Variants in LMTK2 observed in about 807,000 individuals in gnomAD.
LMTK2 encodes lemur tail kinase 2.
LMTK2 carries 37 observed loss-of-function variants against 127.5 expected under a neutral mutation model. The ratio of observed to expected loss-of-function variants is 0.29; its 90% confidence interval spans 0.22 to 0.38. The LOEUF is 0.38. Ranked by LOEUF, LMTK2 falls within the 10% of genes least tolerant of loss-of-function variation. The pLI is 1.00. For synonymous variants in LMTK2, 819 were observed against 810.1 expected (o/e 1.01, Z -0.19); for missense variants, 1,694 against 1,920.3 (o/e 0.88, Z 2.20).
chr7:98,171,808 T>C lies in LMTK2; in HGVS notation c.791+134T>C, dbSNP rs1242663391. The C allele has an allele frequency of 1.0e-6, 1 of 986,014 alleles. No homozygotes were observed. Among genetic ancestry groups the C allele is most frequent in the Admixed American group, 3.3e-5 (1 of 30,460 alleles). 61.1% of individuals were successfully genotyped at this position (986,014 alleles called of 1,614,324 possible). ...CCAGCTCATGTAGGTAGAAGCGATC[T>C]CGTTCTTACCCATGTCCGGATAAGG... On this transcript the variant is annotated intron_variant, in intron 7 of 13. Coordinates refer to ENST00000297293, the MANE Select transcript of LMTK2 (RefSeq NM_014916.4). This position sits in a 1 kb window ranked among gnomAD's most constrained non-coding sequence, Gnocchi z 5.1.
chr7:98,159,148 A>G (rs541555218), intron 5 of LMTK2, among the ~76,000 whole-genome samples, 190 bp from the exon 6 acceptor site: 1 of 152,332 alleles, frequency 6.6e-6, no homozygotes, highest in South Asian at 2.1e-4. Flanking sequence ...TACTTGCTAG[A>G]TAACTTAGTA....
At chr7:98,139,602 T>C (rs1051445914) in intron 2 of LMTK2, among the ~76,000 whole-genome samples, 2 of 152,198 alleles carry the variant, frequency 1.3e-5, no homozygotes, top group African/African-American at 4.8e-5. Flanking sequence ...AAGGATTTCC[T>C]CTGTTCAAAA....
At chr7:98,153,470 GA>G (rs1796885715) in intron 4 of LMTK2, among the ~76,000 whole-genome samples, 1 of 152,212 alleles carries the variant, frequency 6.6e-6, no homozygotes, top group Non-Finnish European at 1.5e-5. Flanking sequence ...GTCCTTGAAA[GA>G]AGTTGTTCAG....
At chr7:98,137,294 A>G in intron 1 of LMTK2, 21 bp from the exon 2 acceptor site, 2 of 1,593,148 alleles carry the variant, frequency 1.3e-6, no homozygotes, top group Non-Finnish European at 1.7e-6. Flanking sequence ...TGTTTTTAAT[A>G]TTATTTATCT....
intron 6 of LMTK2, among the ~76,000 whole-genome samples, chr7:98,168,145 G>T (rs556685617): frequency 3.3e-5 from 5 of 152,128 alleles, no homozygotes; most frequent in Non-Finnish European, 7.4e-5. Flanking sequence ...GTTTAACTAC[G>T]GAAAGGAGAA....
chr7:98,193,952 A>C lies in LMTK2; in HGVS notation c.3487A>C (p.Ser1163Arg). 3 of 1,614,092 alleles carry C rather than the reference A, an allele frequency of 1.9e-6. No homozygotes were observed. The highest frequency in any genetic ancestry group is 2.5e-6 in the Non-Finnish European group (3 of 1,180,038). ...AGCCAGAAAGAGCCAGCCAGATGAA[A>C]GTTGTCTGTCTGCTTTGCACAACTC... is the stretch of plus-strand genomic sequence containing the variant. ...LEARKSQPDE[S>R]CLSALHNSSD... The change falls in exon 11 of 14, where the codon AGT becomes CGT. Residue 1163 changes from serine to arginine, a missense_variant. Around this residue, in one of 8 missense-constraint regions of LMTK2, gnomAD observed 554 missense variants for 567.7 expected, o/e 0.98. Transcript: ENST00000297293. The surrounding 1 kb of genome is among the most constrained non-coding windows in gnomAD (Gnocchi z 4.1).
In LMTK2 at chr7:98,191,821, G is replaced by A. The variant is rs1393464709; in HGVS notation, c.1356G>A (p.Arg452=). The part of the protein sequence containing the change: ...AAFPILDHFA[R]DRLGREMEEV... ...TCCCAATTCTCGACCACTTTGCCAG[G>A]GACCGGCTGGGTCGTGAAATGGAGG... The change falls in exon 11 of 14, where the codon AGG becomes AGA. Residue 452 remains arginine, a synonymous_variant. Coordinates refer to ENST00000297293, the MANE Select transcript of LMTK2 (RefSeq NM_014916.4). The A allele has an allele frequency of 6.2e-7, 1 of 1,614,180 alleles. No homozygotes were observed.
chr7:98,155,502 C>T (rs1225472475), intron 5 of LMTK2, among the ~76,000 whole-genome samples: 5 of 152,140 alleles, frequency 3.3e-5, no homozygotes, highest in Non-Finnish European at 5.9e-5. Flanking sequence ...GACACATGGT[C>T]AAACTTCTGA....
intron 4 of LMTK2, among the ~76,000 whole-genome samples, chr7:98,153,707 TAAAA>T (rs976050245): frequency 6.6e-6 from 1 of 151,092 alleles, no homozygotes; most frequent in African/African-American, 2.4e-5. Context: ...ACCCCATCTC[TAAAA>T]AAAAATTCGC....
chr7:98,174,537 A>G (rs1315699148), intron 7 of LMTK2, among the ~76,000 whole-genome samples: 2 of 152,170 alleles, frequency 1.3e-5, no homozygotes, highest in Non-Finnish European at 2.9e-5. Flanking sequence ...CCTGCCTGCC[A>G]GTCTCCTGAG....
intron 1 of LMTK2, among the ~76,000 whole-genome samples, chr7:98,110,673 T>C (rs1481750674): frequency 6.6e-6 from 1 of 152,212 alleles, no homozygotes; most frequent in African/African-American, 2.4e-5. Flanking sequence ...AAAGATCTTG[T>C]ATATGTGAAC....
chr7:98,197,354 A>ACCGAGC (rs1488219615), intron 11 of LMTK2, among the ~76,000 whole-genome samples: 2 of 152,194 alleles, frequency 1.3e-5, no homozygotes, highest in Non-Finnish European at 2.9e-5. Context: ...AGTCTCCTGG[A>ACCGAGC]CCGAGCACAG....
At chr7:98,128,215 TGAG>T (rs1245483471) in intron 1 of LMTK2, among the ~76,000 whole-genome samples, 1 of 152,216 alleles carries the variant, frequency 6.6e-6, no homozygotes, top group Non-Finnish European at 1.5e-5. Context: ...TGCTAGGGGC[TGAG>T]TTTTACCCCT....
At chr7:98,162,068 T>C (rs1360400753) in intron 6 of LMTK2, among the ~76,000 whole-genome samples, 1 of 152,180 alleles carries the variant, frequency 6.6e-6, no homozygotes, top group African/African-American at 2.4e-5. Context: ...CAGTAGACAA[T>C]GTTAGTTTTT....
chr7:98,163,698 T>G (rs1797048091), intron 6 of LMTK2, among the ~76,000 whole-genome samples: 1 of 152,136 alleles, frequency 6.6e-6, no homozygotes, highest in South Asian at 2.1e-4. Flanking sequence ...CCGAGGGTTG[T>G]CCCATGGGAC....
chr7:98,194,006 G>C lies in LMTK2; in HGVS notation c.3541G>C (p.Glu1181Gln). The change falls in exon 11 of 14, where the codon GAG (glutamate) becomes CAG (glutamine). Residue 1181 changes from glutamate to glutamine, a missense_variant. Glu to Gln is a conservative substitution (Grantham distance 29). Coordinates refer to ENST00000297293, the MANE Select transcript of LMTK2 (RefSeq NM_014916.4). The surrounding 1 kb of genome is among the most constrained non-coding windows in gnomAD (Gnocchi z 5.4). ...SSDLELRATP[E>Q]PAQTGVPQQV... ...TGACCTGGAATTAAGAGCCACGCCG[G>C]AGCCAGCACAGACTGGTGTTCCCCA... 1.2e-6 allele frequency: 2 copies of C among 1,614,138 alleles called. No homozygotes were observed. Among genetic ancestry groups the C allele is most frequent in the Admixed American group, 1.7e-5 (1 of 60,030 alleles).
At chr7:98,204,304 A>T (rs931607149) in intron 13 of LMTK2, 118 bp downstream of exon 13, 17 of 1,346,640 alleles carry the variant, frequency 1.3e-5, no homozygotes, top group Non-Finnish European at 1.7e-5. Context: ...TTTGCTGAGT[A>T]GATTACAAAC....
rs1234065296 is a variant in LMTK2 at position 98,171,962 on chromosome 7, A to G, written c.791+288A>G. Among the ~76,000 whole-genome samples the G allele has an allele frequency of 6.6e-6, 1 of 152,208 alleles. No individual in the cohort carries two copies. The highest frequency in any genetic ancestry group is 1.5e-5 in the Non-Finnish European group (1 of 68,032). ...AGTTGGGAGTAAACAGTCCCGATCC[A>G]CCGTATGACACCTCGCGTGTTTCAT... On this transcript the variant is annotated intron_variant, in intron 7 of 13. Coordinates refer to ENST00000297293, the MANE Select transcript of LMTK2 (RefSeq NM_014916.4). The surrounding 1 kb of genome is among the most constrained non-coding windows in gnomAD (Gnocchi z 5.1).
At chr7:98,140,144 T>TCC (rs1562902718) in intron 2 of LMTK2, among the ~76,000 whole-genome samples, 3 of 60,692 alleles carry the variant, frequency 4.9e-5, no homozygotes, top group African/African-American at 3.6e-4. Context: ...CTTTCTTTCT[T>TCC]TTCTTTTCTT....
Sources: gnomAD v4.1 joint callset for allele counts (sites outside exome capture counted in the v4.1 genomes callset) on GRCh38, gnomAD v4.1.1 for gene constraint, gnomAD v4.1.1 regional missense constraint, Gnocchi (gnomAD v3.1) non-coding constraint, MANE v1.5 for transcripts, NCBI Gene and HGNC (gene_info 2026-07-23, HGNC 2026-07-21) for gene names.